SEMA6D: variants seen among roughly 807,000 people sequenced by gnomAD.
The protein encoded by SEMA6D is semaphorin-6D.
In SEMA6D, 35 loss-of-function variants were observed where a neutral mutation model predicts 106.6. That is an observed-to-expected ratio of 0.33 (90% CI 0.25 to 0.44). The LOEUF is 0.44. SEMA6D is among the 20% of genes least tolerant of loss of function. The pLI is 1.00. For missense variants in SEMA6D, 1,185 were observed against 1,345.9 expected (o/e 0.88, Z 1.87); for synonymous variants, 499 against 487.7 (o/e 1.02, Z -0.31).
chr15:47,684,707 G>A (rs117615079), intron 4 of SEMA6D, among the ~76,000 whole-genome samples: 1,912 of 152,288 alleles, frequency 0.013, 20 homozygotes, highest in Non-Finnish European at 0.019. Context: ...TAAATACTTA[G>A]AAAATTGTAA....
intron 1 of SEMA6D, among the ~76,000 whole-genome samples, chr15:47,266,346 CTCTCGGGCAAAATCTCTAGATTTTGCCA>C (rs2034317439): frequency 6.6e-6 from 1 of 152,062 alleles, no homozygotes; most frequent in African/African-American, 2.4e-5. Flanking sequence ...ACTGCTCTTC[CTCTCGGGCAAAATCTCTAGATTTTGCCA>C]AGGCTCTAGA....
At position 47,502,394 on chromosome 15, in the gene SEMA6D, C is replaced by G. The variant is rs117145240; in HGVS notation, c.-87+31849C>G. ...ACAGAAAGTGGGCTCCTCTGGGAATCTGGCACATTCAGCTGCATGGTCTCT... is the reference window on the plus strand; with the variant it reads ...ACAGAAAGTGGGCTCCTCTGGGAATGTGGCACATTCAGCTGCATGGTCTCT... On this transcript the variant is annotated intron_variant, in intron 3 of 19. Coordinates refer to the SEMA6D transcript ENST00000558014. Among the ~76,000 whole-genome samples the G allele has an allele frequency of 4.9e-4, 75 of 152,290 alleles. No homozygotes were observed. In the East Asian group the frequency reaches 0.012, roughly 25 times the overall value.
At chr15:47,385,583 A>G (rs2039806676) in intron 1 of SEMA6D, among the ~76,000 whole-genome samples, 1 of 152,216 alleles carries the variant, frequency 6.6e-6, no homozygotes, top group African/African-American at 2.4e-5. Flanking sequence ...ATCTGAACTC[A>G]AAGCGTACAG....
In SEMA6D at chr15:47,280,062, C is replaced by T. The variant is rs1030753786; in HGVS notation, c.-239+95644C>T. 1.6e-3 allele frequency among the ~76,000 whole-genome samples: 238 copies of T among 151,392 alleles called. 4 individuals carry two copies. The highest frequency in any genetic ancestry group is 3.4e-3 in the Middle Eastern group (1 of 292). ...CTCATAAAATGAGTTAGGGAGGATT[C>T]CCTCTTTTTCTATTGATTGGAATAG... On this transcript the variant is annotated intron_variant, in intron 1 of 19. Coordinates refer to the SEMA6D transcript ENST00000558014.
chr15:47,573,833 T>C (rs988210220), intron 3 of SEMA6D, among the ~76,000 whole-genome samples: 3 of 152,206 alleles, frequency 2.0e-5, no homozygotes, highest in African/African-American at 7.2e-5. Context: ...CTCAATCTTA[T>C]GATGTTGACA....
At chr15:47,410,529 G>A (rs191997535) in intron 1 of SEMA6D, among the ~76,000 whole-genome samples, 51 of 152,168 alleles carry the variant, frequency 3.4e-4, no homozygotes, top group African/African-American at 1.2e-3. Context: ...CTCATTTGTC[G>A]ACCATAGTCA....
At chr15:47,418,818 C>T (rs2041062537) in intron 2 of SEMA6D, among the ~76,000 whole-genome samples, 1 of 152,190 alleles carries the variant, frequency 6.6e-6, no homozygotes, top group South Asian at 2.1e-4. Context: ...AAGAACTTGT[C>T]TGTAAGAACA....
intron 1 of SEMA6D, among the ~76,000 whole-genome samples, chr15:47,361,055 T>C (rs1268512820): frequency 6.6e-6 from 1 of 152,212 alleles, no homozygotes; most frequent in Non-Finnish European, 1.5e-5. Context: ...ACATAGTAGG[T>C]AGTTTGTAAC....
chr15:47,649,388 C>G (rs946559723), intron 4 of SEMA6D, among the ~76,000 whole-genome samples: 3 of 152,128 alleles, frequency 2.0e-5, no homozygotes, highest in Non-Finnish European at 4.4e-5. Context: ...CATCTAACAC[C>G]AGTCAAAGTG....
intron 3 of SEMA6D, among the ~76,000 whole-genome samples, chr15:47,479,323 T>A (rs1458470053): frequency 6.6e-6 from 1 of 152,118 alleles, no homozygotes; most frequent in Non-Finnish European, 1.5e-5. Context: ...TAATTGCCCA[T>A]CCAGGATCTC....
At chr15:47,370,084 T>C (rs761301180) in intron 1 of SEMA6D, among the ~76,000 whole-genome samples, 39 of 152,250 alleles carry the variant, frequency 2.6e-4, no homozygotes, top group Non-Finnish European at 4.3e-4. Context: ...TTGTTTCTTC[T>C]GGCAAAGGGC....
intron 4 of SEMA6D, among the ~76,000 whole-genome samples, chr15:47,708,601 A>C (rs968531553): frequency 1.3e-5 from 2 of 152,166 alleles, no homozygotes; most frequent in Non-Finnish European, 2.9e-5. Flanking sequence ...GTGCTCTCTC[A>C]CTTATTATTC....
intron 1 of SEMA6D, among the ~76,000 whole-genome samples, chr15:47,226,754 A>T (rs2031696688): frequency 6.6e-6 from 1 of 152,060 alleles, no homozygotes; most frequent in South Asian, 2.1e-4. Context: ...AGCCACAAAA[A>T]AAACAAGATA....
chr15:47,453,518 C>T (rs942655481), intron 2 of SEMA6D, among the ~76,000 whole-genome samples: 1 of 151,822 alleles, frequency 6.6e-6, no homozygotes, highest in Admixed American at 6.6e-5. Flanking sequence ...GCTTTACATC[C>T]CACTGAGAAG....
chr15:47,314,943 G>A (rs2036600260), intron 1 of SEMA6D, among the ~76,000 whole-genome samples: 1 of 133,202 alleles, frequency 7.5e-6, no homozygotes. Context: ...TCGGCTCACT[G>A]CAAGCTCCGC....
At chr15:47,506,419 A>G (rs1011414823) in intron 3 of SEMA6D, among the ~76,000 whole-genome samples, 1 of 152,196 alleles carries the variant, frequency 6.6e-6, no homozygotes, top group Non-Finnish European at 1.5e-5. Context: ...AATTAGGAAC[A>G]GAGGACATGT....
chr15:47,751,089 A>G (rs1030917971), intron 1 of SEMA6D, among the ~76,000 whole-genome samples: 6 of 152,206 alleles, frequency 3.9e-5, no homozygotes, highest in African/African-American at 1.4e-4. Flanking sequence ...TTCTTACCAC[A>G]CATGGAAGGT....
chr15:47,474,833 G>T (rs763995600), intron 3 of SEMA6D, among the ~76,000 whole-genome samples: 2 of 152,170 alleles, frequency 1.3e-5, no homozygotes, highest in African/African-American at 4.8e-5. Flanking sequence ...GAGGTAATAC[G>T]AATGTCACTT....
chr15:47,261,076 A>G (rs779342168), intron 1 of SEMA6D, among the ~76,000 whole-genome samples: 22 of 152,190 alleles, frequency 1.4e-4, no homozygotes, highest in Non-Finnish European at 2.6e-4. Flanking sequence ...AGGGTTTATA[A>G]TTGTACACAG....
Sources: allele counts gnomAD v4.1 joint callset (sites outside exome capture counted in the v4.1 genomes callset), GRCh38; gene constraint gnomAD v4.1.1; transcripts MANE v1.5; gene names NCBI Gene and HGNC (gene_info 2026-07-23, HGNC 2026-07-21).